The following CYP4F3 variants were observed in gnomAD, a reference collection of about 807,000 sequenced individuals.
CYP4F3 encodes the protein cytochrome P450 family 4 subfamily F member 3, also known as cytochrome P450 4F3.
Under a neutral mutation model 54.8 loss-of-function variants are expected in CYP4F3, and 50 were observed. That is an observed-to-expected ratio of 0.91 (90% CI 0.73 to 1.16). The LOEUF (loss-of-function observed/expected upper bound fraction) is 1.16, where lower values mean the gene tolerates loss of function less well. CYP4F3 is among the 50% of genes most tolerant of loss of function. The pLI, the probability that CYP4F3 is intolerant of heterozygous loss-of-function variation, is 0.00. For missense variants in CYP4F3, 715 were observed against 676.2 expected, an observed-to-expected ratio of 1.06 and a Z score of -0.64; for synonymous variants, 244 against 262.6, an observed-to-expected ratio of 0.93 and a Z score of 0.69.
intron 9 of CYP4F3, among the ~76,000 whole-genome samples, chr19:15,656,246 A>T (rs1973007223): frequency 6.6e-6 from 1 of 151,532 alleles, no homozygotes; most frequent in African/African-American, 2.4e-5. Context: ...AAATGAGATA[A>T]TTTTTTCTTT....
At chr19:15,647,141 C>G (rs943126775) in intron 4 of CYP4F3, 36 bp downstream of exon 4, 3 of 1,613,980 alleles carry the variant, frequency 1.9e-6, no homozygotes, top group African/African-American at 2.7e-5. Context: ...TGGGAACAAC[C>G]TGGGGGGCCA....
rs28738982 is a variant in CYP4F3, at chr19:15,659,653, G to A, written c.*268G>A. On this transcript the variant is annotated 3_prime_UTR_variant, in exon 13 of 13. Transcript: ENST00000221307. ...ACAAAATATGGTCCATCCATACAAT[G>A]GAGTATTACACAGCCATAAAAAGGA... is the stretch of plus-strand genomic sequence containing the variant. The A allele has an allele frequency of 8.2e-3, 4,317 of 525,318 alleles. 36 individuals are homozygous for A. Among genetic ancestry groups the A allele is most frequent in the Non-Finnish European group, 0.011 (3,344 of 301,398 alleles). The allele number at this position is 525,318 out of a possible 1,614,324, so 32.5% of individuals were successfully genotyped here.
intron 11 of CYP4F3, 46 bp from the exon 12 acceptor site, chr19:15,658,681 G>A (rs757080472): frequency 3.7e-6 from 6 of 1,610,712 alleles, no homozygotes; most frequent in East Asian, 4.5e-5. Context: ...CAAGGCTGGC[G>A]GACTGGGAGA....
intron 2 of CYP4F3, 68 bp from the exon 3 acceptor site, chr19:15,645,650 CT>C: frequency 6.6e-7 from 1 of 1,513,750 alleles, no homozygotes; most frequent in South Asian, 1.3e-5. Context: ...GCTTCCACCT[CT>C]TCCCTGCAGA....
chr19:15,647,603 T>C (rs1364049402), intron 5 of CYP4F3, among the ~76,000 whole-genome samples: 1 of 152,224 alleles, frequency 6.6e-6, no homozygotes, highest in Non-Finnish European at 1.5e-5. Flanking sequence ...AACAATTGCA[T>C]AATAGCTGTT....
At chr19:15,650,258 C>A in intron 7 of CYP4F3, 75 bp downstream of exon 7, 1 of 1,613,328 alleles carries the variant, frequency 6.2e-7, no homozygotes, top group Non-Finnish European at 8.5e-7. Flanking sequence ...AGAATTTGAA[C>A]TTGACCCAGA....
chr19:15,646,398 T>C (rs1007923723), intron 3 of CYP4F3, among the ~76,000 whole-genome samples: 1 of 152,166 alleles, frequency 6.6e-6, no homozygotes, highest in Admixed American at 6.5e-5. Context: ...ATTTGAGTCT[T>C]GTCTGAGGCA....
chr19:15,645,318 T>A (rs1599881796), intron 2 of CYP4F3, among the ~76,000 whole-genome samples: 1 of 152,190 alleles, frequency 6.6e-6, no homozygotes, highest in Non-Finnish European at 1.5e-5. Flanking sequence ...CTAGAGCTAC[T>A]GTTTTGGGGG....
chr19:15,647,369 G>A (rs752347099), intron 5 of CYP4F3, 45 bp downstream of exon 5: 3 of 1,612,348 alleles, frequency 1.9e-6, no homozygotes, highest in Non-Finnish European at 2.5e-6. Flanking sequence ...CTTTGGTTGG[G>A]GGGAACCACA....
rs1245679166 is a variant in CYP4F3 at position 15,647,018 on chromosome 19, C to T, written c.344-34C>T. The T allele has an allele frequency of 1.9e-6, 3 of 1,612,788 alleles. No homozygotes were observed. In the East Asian group the frequency reaches 6.7e-5, roughly 36 times the overall value. On this transcript the variant is annotated intron_variant, in intron 3 of 12. Transcript: ENST00000221307. ...CCCCCAAAGTTCCTCCTTCACCTGC[C>T]TCCATGGCCCCTGATTGTCCTCATT...
In CYP4F3 at chr19:15,648,457, A is replaced by G. The variant is rs563870393; in HGVS notation, c.526-703A>G. On this transcript the variant is annotated intron_variant, in intron 5 of 12. Transcript: ENST00000221307. ...ATCCTCAAAGTTATTTTCTGCAAAC[A>G]CAACTCTGAGAAATTTTTCAAGTTA... is the stretch of plus-strand genomic sequence containing the variant. Among the ~76,000 whole-genome samples, 4 of 152,182 alleles carry G rather than the reference A, an allele frequency of 2.6e-5. No homozygotes were observed. In the South Asian group the frequency reaches 8.3e-4, roughly 32 times the overall value.
intron 2 of CYP4F3, chr19:15,643,999 C>A: frequency 6.2e-7 from 1 of 1,605,212 alleles, no homozygotes. Flanking sequence ...CCATCTTCCC[C>A]GTCATCCGTT....
chr19:15,650,249 G>T (rs905489724), intron 7 of CYP4F3, 66 bp downstream of exon 7: 2 of 1,613,956 alleles, frequency 1.2e-6, no homozygotes, highest in Non-Finnish European at 1.7e-6. Flanking sequence ...TCAGATGAAA[G>T]AATTTGAACT....
Position 15,660,203 on chromosome 19 carries a change from T to G in CYP4F3, c.*818T>G. ...TTTAAAAATATGTAATTTTAGAAAA[T>G]AATTTAAAAGGTTTTGTTTCAGTTT... On this transcript the variant is annotated 3_prime_UTR_variant, in exon 13 of 13. Transcript: ENST00000221307. The G allele has an allele frequency of 7.4e-6, 1 of 134,818 alleles. No homozygotes were observed. The highest frequency in any genetic ancestry group is 3.1e-5 in the African/African-American group (1 of 32,330). 8.4% of individuals were successfully genotyped at this position (134,818 alleles called of 1,614,324 possible). A position where few individuals can be genotyped will look rare whatever the true frequency, so the allele number is the denominator to read the frequency against.
intron 6 of CYP4F3, 112 bp downstream of exon 6, chr19:15,649,393 T>C: frequency 6.5e-7 from 1 of 1,543,930 alleles, no homozygotes; most frequent in East Asian, 2.3e-5. Flanking sequence ...GAGGAGTTGT[T>C]ATACCTGATC....
Position 15,642,979 on chromosome 19 carries a change from A to C in CYP4F3, c.198+1366A>C, listed in dbSNP as rs147169786. ...ATACATTAGGTGGATAGATAGGTAG[A>C]GTGGATATGTAGGATGGATAGATTA... On this transcript the variant is annotated intron_variant, in intron 2 of 12. Transcript: ENST00000221307. Among the ~76,000 whole-genome samples, 1,478 of 152,054 alleles carry C rather than the reference A, an allele frequency of 9.7e-3. 21 individuals carry two copies. The highest frequency in any genetic ancestry group is 0.014 in the Non-Finnish European group (937 of 67,970).
At chr19:15,642,516 C>T (rs1972494411) in intron 2 of CYP4F3, among the ~76,000 whole-genome samples, 1 of 152,198 alleles carries the variant, frequency 6.6e-6, no homozygotes, top group Non-Finnish European at 1.5e-5. Flanking sequence ...GCCTTAGGGA[C>T]ATGTCCTGAG....
chr19:15,662,252 A>G lies in CYP4F3; in HGVS notation c.*2867A>G, dbSNP rs1473925010. 8.0e-6 allele frequency: 1 copy of G among 125,086 alleles called. No homozygotes were observed. Among genetic ancestry groups the G allele is most frequent in the Non-Finnish European group, 1.6e-5 (1 of 62,158 alleles). 7.7% of individuals were successfully genotyped at this position (125,086 alleles called of 1,614,324 possible). A position where few individuals can be genotyped will look rare whatever the true frequency, so the allele number is the denominator to read the frequency against. ...TGCCACTGCACTCCAGCCTGGGTGAAAGAGCTAGATTCTCTCTCTCAAAAA... is the reference window on the plus strand; with the variant it reads ...TGCCACTGCACTCCAGCCTGGGTGAGAGAGCTAGATTCTCTCTCTCAAAAA... On this transcript the variant is annotated 3_prime_UTR_variant, in exon 13 of 13. Transcript: ENST00000221307.
chr19:15,653,773 A>AGAGAGAGAGAGAGAGAGT (rs1972939587), intron 9 of CYP4F3, among the ~76,000 whole-genome samples: 1 of 132,890 alleles, frequency 7.5e-6, no homozygotes, highest in African/African-American at 2.8e-5. Flanking sequence ...AGAGAGAGAG[A>AGAGAGAGAGAGAGAGAGT]GAGAGAGAGA....
Sources: gnomAD v4.1 joint callset for allele counts (sites outside exome capture counted in the v4.1 genomes callset) on GRCh38, gnomAD v4.1.1 for gene constraint, MANE v1.5 for transcripts, NCBI Gene and HGNC (gene_info 2026-07-23, HGNC 2026-07-21) for gene names.